CPSF4L: variants seen among roughly 807,000 people sequenced by gnomAD.
CPSF4L encodes the protein putative cleavage and polyadenylation specificity factor subunit 4-like protein.
CPSF4L carries 18 observed loss-of-function variants against 24.0 expected under a neutral mutation model. That is an observed-to-expected ratio of 0.75 (90% CI 0.52 to 1.11). The LOEUF (loss-of-function observed/expected upper bound fraction) is 1.11. CPSF4L is among the 50% of genes least tolerant of loss of function. CPSF4L has a pLI of 0.00. For synonymous variants in CPSF4L, 72 were observed against 77.2 expected, an observed-to-expected ratio of 0.93 and a Z score of 0.35; for missense variants, 211 against 221.8, an observed-to-expected ratio of 0.95 and a Z score of 0.31.
intron 5 of CPSF4L, chr17:73,250,038 T>C (rs2061998240): frequency 2.1e-6 from 1 of 478,310 alleles, no homozygotes; most frequent in South Asian, 3.9e-5. Flanking sequence ...GGATAACTCG[T>C]TCCTGCCAAT....
At position 73,261,826 on chromosome 17, in the gene CPSF4L, C is replaced by G. The variant is rs1283905043; in HGVS notation, c.-8G>C. ...CGCAATGACCTCTTGCATCTTCCGT[C>G]TCCTGCTGGGGCTGCGGAAGCTGCT... On this transcript the variant is annotated 5_prime_UTR_variant, in exon 1 of 6. Transcript: ENST00000344935. The G allele has an allele frequency of 1.9e-6, 3 of 1,549,598 alleles. No homozygotes were observed. The highest frequency in any genetic ancestry group is 2.4e-5 in the East Asian group (1 of 40,910).
At chr17:73,260,700 G>A (rs2062041754) in intron 2 of CPSF4L, among the ~76,000 whole-genome samples, 1 of 152,210 alleles carries the variant, frequency 6.6e-6, no homozygotes, top group Non-Finnish European at 1.5e-5. Context: ...CCAGGAGGCA[G>A]AGGTTGCAGT....
upstream of CPSF4L, among the ~76,000 whole-genome samples, chr17:73,263,768 CAG>C (rs1407751105): frequency 6.7e-6 from 1 of 148,168 alleles, no homozygotes; most frequent in Non-Finnish European, 1.5e-5. Flanking sequence ...GAAGACTGGA[CAG>C]GGGCTGCTTA....
At chr17:73,247,129 T>G, downstream of CPSF4L, 3 of 879,196 alleles carry the variant, frequency 3.4e-6, no homozygotes, top group Non-Finnish European at 5.4e-6. Context: ...CCCTGCTCAT[T>G]TGGTTAGGTG....
In CPSF4L at chr17:73,254,046, C is replaced by G. The variant is rs927884184; in HGVS notation, c.308-20G>C. On this transcript the variant is annotated intron_variant, in intron 3 of 5. Transcript: ENST00000344935. ...AGTCACCTGAAAATCCCAGCACTCT[C>G]TGTAGAAGCAGTTTCTCTTTGTGAT... 1.3e-5 allele frequency: 20 copies of G among 1,536,062 alleles called. No homozygotes were observed. Among genetic ancestry groups the G allele is most frequent in the Non-Finnish European group, 1.8e-5 (20 of 1,133,066 alleles).
At chr17:73,252,219 T>C (rs749729861) in intron 5 of CPSF4L, among the ~76,000 whole-genome samples, 3 of 152,158 alleles carry the variant, frequency 2.0e-5, no homozygotes, top group Non-Finnish European at 4.4e-5. Flanking sequence ...AGAGAGACGA[T>C]TACAGCCCAG....
downstream of CPSF4L, chr17:73,248,018 T>G (rs112181213): frequency 6.6e-4 from 96 of 145,964 alleles, no homozygotes; most frequent in Middle Eastern, 3.4e-3. Context: ...AGAGCGTTGT[T>G]GAGGTAAACT....
At chr17:73,250,497 T>C (rs1441127632) in intron 5 of CPSF4L, among the ~76,000 whole-genome samples, 1 of 152,126 alleles carries the variant, frequency 6.6e-6, no homozygotes, top group East Asian at 1.9e-4. Context: ...AAAGCAACTG[T>C]ACAAGAAAAG....
chr17:73,248,612 A>C, intron 5 of CPSF4L, 76 bp from the exon 6 acceptor site: 1 of 1,435,110 alleles, frequency 7.0e-7, no homozygotes, highest in Non-Finnish European at 9.6e-7. Context: ...ATCCCGCAGA[A>C]GAGGCATGGT....
At chr17:73,243,048 G>GT in the CPSF4L span, 1 of 1,363,792 alleles carries the variant, frequency 7.3e-7, no homozygotes, top group Non-Finnish European at 1.0e-6. Context: ...GTCCCATTCC[G>GT]TTATGTGGAC....
At chr17:73,258,783 T>C (rs2145282467) in intron 2 of CPSF4L, among the ~76,000 whole-genome samples, 1 of 152,306 alleles carries the variant, frequency 6.6e-6, no homozygotes, top group South Asian at 2.1e-4. Context: ...GGCCAGGCTT[T>C]CCAGCCCAGA....
intron 3 of CPSF4L, 73 bp from the exon 4 acceptor site, chr17:73,254,099 C>T: frequency 4.2e-6 from 5 of 1,178,558 alleles, no homozygotes; most frequent in Non-Finnish European, 4.9e-6. Flanking sequence ...ACCAGATTGA[C>T]CTTGCCCCTC....
upstream of CPSF4L, among the ~76,000 whole-genome samples, chr17:73,262,588 C>A (rs1368700330): frequency 6.6e-6 from 1 of 152,228 alleles, no homozygotes; most frequent in Non-Finnish European, 1.5e-5. Flanking sequence ...TAAATGAAAT[C>A]TCTATGCAAA....
chr17:73,243,077 ATT>A, the CPSF4L span: 33,607 of 408,458 alleles, frequency 0.082, 1 homozygote, highest in South Asian at 0.095. Flanking sequence ...GATTCTCTGA[ATT>A]TTTTTTTTTT....
At chr17:73,252,507 G>A in intron 5 of CPSF4L, 123 bp downstream of exon 5, 1 of 694,030 alleles carries the variant, frequency 1.4e-6, no homozygotes, top group South Asian at 1.7e-5. Flanking sequence ...GAAAATACTG[G>A]AGCGGATGCT....
chr17:73,252,490 G>A, intron 5 of CPSF4L, 140 bp downstream of exon 5: 1 of 662,074 alleles, frequency 1.5e-6, no homozygotes, highest in Non-Finnish European at 2.7e-6. Flanking sequence ...TCAGGCAGTG[G>A]TGCCAGGAAA....
downstream of CPSF4L, among the ~76,000 whole-genome samples, chr17:73,246,892 C>G (rs1013259078): frequency 5.3e-5 from 8 of 152,140 alleles, no homozygotes; most frequent in Non-Finnish European, 1.2e-4. Flanking sequence ...TCTGTGAATG[C>G]TCTTTAGGAG....
rs969966743 is a variant in CPSF4L at position 73,250,219 on chromosome 17, C to T, written c.498-1683G>A. The T allele has an allele frequency of 1.4e-5, 22 of 1,546,244 alleles. 1 individual carries two copies. The Middle Eastern group carries it at 1.2e-3, about 83-fold the overall frequency. ...ATCCCATAGTAAGACCATTGAGCATCTTCTCCTGACCATAGGTTAGTTTTT... is the reference window on the plus strand; with the variant it reads ...ATCCCATAGTAAGACCATTGAGCATTTTCTCCTGACCATAGGTTAGTTTTT... On this transcript the variant is annotated intron_variant, in intron 5 of 5. Coordinates refer to ENST00000344935, the MANE Select transcript of CPSF4L (RefSeq NM_001129885.1).
the CPSF4L span, among the ~76,000 whole-genome samples, chr17:73,243,381 C>T: frequency 2.6e-5 from 4 of 151,820 alleles, no homozygotes; most frequent in Non-Finnish European, 4.4e-5. Flanking sequence ...CTCGAACTGC[C>T]GACCTCAGGT....
Sources: allele counts gnomAD v4.1 joint callset (sites outside exome capture counted in the v4.1 genomes callset), GRCh38; gene constraint gnomAD v4.1.1; transcripts MANE v1.5; gene names NCBI Gene and HGNC (gene_info 2026-07-23, HGNC 2026-07-21).